Variants in KCNH5 observed in about 807,000 individuals in gnomAD.
The protein encoded by KCNH5 is voltage-gated delayed rectifier potassium channel KCNH5.
Under a neutral mutation model 96.1 loss-of-function variants are expected in KCNH5, and 46 were observed. That is an observed-to-expected ratio of 0.48 (90% confidence interval 0.38 to 0.61). The LOEUF (loss-of-function observed/expected upper bound fraction) is 0.61, where lower values mean the gene tolerates loss of function less well. Among genes scored for constraint, KCNH5 ranks in the 20% least tolerant of loss-of-function variants. The pLI is 0.00. For missense variants in KCNH5, 907 were observed against 1,225.8 expected, an observed-to-expected ratio of 0.74 and a Z score of 3.88; for synonymous variants, 439 against 449.8, an observed-to-expected ratio of 0.98 and a Z score of 0.30.
At chr14:63,011,472 C>T (rs962638569) in intron 2 of KCNH5, among the ~76,000 whole-genome samples, 7 of 139,170 alleles carry the variant, frequency 5.0e-5, no homozygotes, top group Admixed American at 1.4e-4. Context: ...GAGAGAAAGT[C>T]TGTCTCAAAA....
intron 6 of KCNH5, among the ~76,000 whole-genome samples, chr14:62,975,879 T>C (rs1324485289): frequency 1.3e-5 from 2 of 152,108 alleles, no homozygotes; most frequent in East Asian, 1.9e-4. Flanking sequence ...TTAAAGAGAC[T>C]TTCAGAATCT....
intron 9 of KCNH5, among the ~76,000 whole-genome samples, chr14:62,782,097 C>T (rs1163658725): frequency 6.6e-6 from 1 of 152,210 alleles, no homozygotes; most frequent in Non-Finnish European, 1.5e-5. Flanking sequence ...CTTCCCGCAA[C>T]AGACCTTGTC....
chr14:62,769,660 C>G (rs961832625), intron 10 of KCNH5, among the ~76,000 whole-genome samples: 3 of 152,136 alleles, frequency 2.0e-5, no homozygotes, highest in African/African-American at 7.2e-5. Flanking sequence ...TTTTCATAAT[C>G]CTATTACATA....
intron 7 of KCNH5, among the ~76,000 whole-genome samples, chr14:62,890,069 C>T (rs1888674646): frequency 6.6e-6 from 1 of 152,042 alleles, no homozygotes; most frequent in Non-Finnish European, 1.5e-5. Context: ...ACACCATATA[C>T]AAAAATCAAT....
intron 10 of KCNH5, among the ~76,000 whole-genome samples, chr14:62,775,887 C>T (rs574332423): frequency 2.0e-5 from 3 of 152,082 alleles, no homozygotes; most frequent in African/African-American, 7.2e-5. Context: ...TAAGTTTTAC[C>T]CCCTCAAAAT....
chr14:63,004,800 T>C (rs940100650), intron 3 of KCNH5, among the ~76,000 whole-genome samples: 1 of 152,202 alleles, frequency 6.6e-6, no homozygotes, highest in Admixed American at 6.5e-5. Flanking sequence ...AGGGTCTTGC[T>C]ATGTCACCTA....
At chr14:63,023,116 T>A (rs755200701) in intron 1 of KCNH5, among the ~76,000 whole-genome samples, 5 of 151,234 alleles carry the variant, frequency 3.3e-5, no homozygotes, top group African/African-American at 1.2e-4. Flanking sequence ...GGCAGGAGAA[T>A]AGCTGGAACA....
At chr14:63,037,642 A>G (rs1027319293) in intron 1 of KCNH5, among the ~76,000 whole-genome samples, 1 of 152,206 alleles carries the variant, frequency 6.6e-6, no homozygotes, top group Non-Finnish European at 1.5e-5. Context: ...TACAGAAAAG[A>G]TCAGGACAAA....
intron 7 of KCNH5, among the ~76,000 whole-genome samples, chr14:62,892,652 C>T (rs546473734): frequency 1.3e-5 from 2 of 152,286 alleles, no homozygotes; most frequent in African/African-American, 4.8e-5. Flanking sequence ...CTCAAACCCT[C>T]TCTTGTCAGT....
At chr14:62,896,010 A>G (rs774772925) in intron 7 of KCNH5, among the ~76,000 whole-genome samples, 1 of 152,224 alleles carries the variant, frequency 6.6e-6, no homozygotes, top group Non-Finnish European at 1.5e-5. Flanking sequence ...TTGTTTTCAC[A>G]TCATAAGCTT....
chr14:63,018,671 A>G (rs1412318825), intron 1 of KCNH5, among the ~76,000 whole-genome samples: 1 of 152,046 alleles, frequency 6.6e-6, no homozygotes, highest in African/African-American at 2.4e-5. Context: ...CAACACGAAA[A>G]ATAATCTTAA....
At chr14:62,741,500 G>A (rs1885270587) in intron 10 of KCNH5, among the ~76,000 whole-genome samples, 1 of 152,110 alleles carries the variant, frequency 6.6e-6, no homozygotes, top group South Asian at 2.1e-4. Context: ...TGTAAAAGGT[G>A]TTGCATCTTT....
At chr14:62,890,782 A>G (rs1197073146) in intron 7 of KCNH5, among the ~76,000 whole-genome samples, 3 of 152,172 alleles carry the variant, frequency 2.0e-5, no homozygotes, top group East Asian at 1.9e-4. Context: ...CAACAAGCAC[A>G]TGCAAAAAAA....
chr14:62,882,898 T>C (rs1286762762), intron 7 of KCNH5, among the ~76,000 whole-genome samples: 2 of 152,198 alleles, frequency 1.3e-5, no homozygotes, highest in Non-Finnish European at 2.9e-5. Context: ...GTACTTTCTA[T>C]ACAACAAGAG....
At chr14:62,834,787 G>A (rs1049360756) in intron 8 of KCNH5, among the ~76,000 whole-genome samples, 1 of 151,878 alleles carries the variant, frequency 6.6e-6, no homozygotes, top group East Asian at 1.9e-4. Context: ...AGAAAAAATG[G>A]AATTCAAATT....
intron 1 of KCNH5, among the ~76,000 whole-genome samples, chr14:63,028,254 G>T (rs1476133595): frequency 6.6e-6 from 1 of 151,976 alleles, no homozygotes. Flanking sequence ...TCTACAATGG[G>T]AACGTTCAGA....
chr14:63,009,197 C>T (rs528764217), intron 2 of KCNH5, among the ~76,000 whole-genome samples: 12 of 151,940 alleles, frequency 7.9e-5, no homozygotes, highest in African/African-American at 2.9e-4. Flanking sequence ...AAATTAACTC[C>T]AATAAGATTT....
Position 62,975,437 on chromosome 14 carries a change from C to T in KCNH5, c.942+5435G>A, listed in dbSNP as rs543117623. Among the ~76,000 whole-genome samples the T allele has an allele frequency of 5.3e-5, 8 of 151,780 alleles. No individual in the cohort carries two copies. The South Asian group carries it at 6.3e-4, about 12-fold the overall frequency. On this transcript the variant is annotated intron_variant, in intron 6 of 10. Transcript: ENST00000322893. ...TAGTATGAATGAAGAAGCCGATAAA[C>T]GTGTGGATAAATCTAAATAAGAATT...
chr14:62,982,554 T>C (rs1439718288), intron 5 of KCNH5, among the ~76,000 whole-genome samples: 1 of 152,194 alleles, frequency 6.6e-6, no homozygotes, highest in East Asian at 1.9e-4. Context: ...ATGCATTAAA[T>C]ATTTAGATGT....
Sources: gnomAD v4.1 joint callset for allele counts (sites outside exome capture counted in the v4.1 genomes callset) on GRCh38, gnomAD v4.1.1 for gene constraint, MANE v1.5 for transcripts, NCBI Gene and HGNC (gene_info 2026-07-23, HGNC 2026-07-21) for gene names.